XIRP2: variants seen among roughly 807,000 people sequenced by gnomAD.
XIRP2 encodes the protein xin actin-binding repeat-containing protein 2.
A neutral mutation model predicts 277.0 loss-of-function variants in XIRP2; 236 were observed. The ratio of observed to expected loss-of-function variants is 0.85; its 90% confidence interval spans 0.77 to 0.95. XIRP2 has a LOEUF of 0.95. Among genes scored for constraint, XIRP2 ranks in the 40% least tolerant of loss-of-function variants. The probability of loss-of-function intolerance (pLI) is 0.00; values close to 1 mark genes in which losing one functional copy is unlikely to be tolerated. For missense variants in XIRP2, 4,640 were observed against 4,157.5 expected (o/e 1.12, Z -3.19); for synonymous variants, 1,490 against 1,416.5 (o/e 1.05, Z -1.17).
intron 2 of XIRP2, among the ~76,000 whole-genome samples, chr2:166,934,309 G>C (rs1180554913): frequency 2.0e-5 from 3 of 151,574 alleles, no homozygotes; most frequent in African/African-American, 7.3e-5. Flanking sequence ...AGGAACTGAA[G>C]GGAGCAGCTT....
intron 2 of XIRP2, among the ~76,000 whole-genome samples, chr2:167,036,196 G>C (rs952481299): frequency 1.1e-4 from 16 of 152,202 alleles, no homozygotes; most frequent in Admixed American, 9.8e-4. Flanking sequence ...CTGCTTAGTA[G>C]AGCTGTGAGA....
intron 3 of XIRP2, among the ~76,000 whole-genome samples, chr2:167,202,941 A>C (rs751435754): frequency 2.6e-5 from 4 of 151,946 alleles, no homozygotes; most frequent in Non-Finnish European, 5.9e-5. Flanking sequence ...TGATTTGTGG[A>C]CCTTATTCCC....
chr2:167,196,464 A>C (rs1693518909), intron 3 of XIRP2, among the ~76,000 whole-genome samples: 1 of 148,926 alleles, frequency 6.7e-6, no homozygotes, highest in Admixed American at 6.7e-5. Flanking sequence ...ACTGGCCACG[A>C]TAGATGAGTG....
At chr2:167,064,488 A>C (rs1204167534) in intron 2 of XIRP2, among the ~76,000 whole-genome samples, 1 of 151,914 alleles carries the variant, frequency 6.6e-6, no homozygotes, top group Admixed American at 6.6e-5. Flanking sequence ...ATTATCTTTT[A>C]ATTTTATTTT....
chr2:167,047,654 A>G (rs1357785717), intron 2 of XIRP2, among the ~76,000 whole-genome samples: 5 of 151,958 alleles, frequency 3.3e-5, no homozygotes, highest in African/African-American at 1.2e-4. Context: ...TATTTAGTAC[A>G]AGACAGGGCT....
chr2:167,105,782 G>A (rs1281228451), intron 2 of XIRP2, among the ~76,000 whole-genome samples: 1 of 151,752 alleles, frequency 6.6e-6, no homozygotes, highest in Non-Finnish European at 1.5e-5. Context: ...CAATACATAA[G>A]TGATCCAGTT....
At chr2:166,996,750 C>T (rs1251537821) in intron 2 of XIRP2, among the ~76,000 whole-genome samples, 1 of 152,142 alleles carries the variant, frequency 6.6e-6, no homozygotes, top group Admixed American at 6.5e-5. Flanking sequence ...TGATGCATTG[C>T]TGTGCTGGGT....
chr2:167,031,980 G>C (rs1032758926), intron 2 of XIRP2, among the ~76,000 whole-genome samples: 7 of 152,084 alleles, frequency 4.6e-5, no homozygotes, highest in Non-Finnish European at 1.0e-4. Flanking sequence ...AAACAAAAAA[G>C]AGCCCATATA....
chr2:166,940,088 C>A (rs765636009), intron 2 of XIRP2, among the ~76,000 whole-genome samples: 11 of 152,322 alleles, frequency 7.2e-5, no homozygotes, highest in Non-Finnish European at 1.0e-4. Context: ...GTACACCAGT[C>A]AGACTTAGAT....
At chr2:167,163,023 T>A (rs955364485) in intron 3 of XIRP2, among the ~76,000 whole-genome samples, 5 of 152,216 alleles carry the variant, frequency 3.3e-5, no homozygotes, top group Non-Finnish European at 5.9e-5. Flanking sequence ...CCCTTTCTTA[T>A]TGATGATTAG....
rs750012868 is a variant in XIRP2, at chr2:167,246,646, G to A, written c.5254G>A (p.Ala1752Thr). Residue 1752 changes from alanine (A) to threonine (T), a missense_variant, in exon 9 of 11, where the codon GCT (alanine) becomes ACT (threonine). Coordinates refer to ENST00000409195, the MANE Select transcript of XIRP2 (RefSeq NM_152381.6). Reference protein sequence around the residue: ...NVQFFTTCIEAGALDYLKQLH... With the variant: ...NVQFFTTCIETGALDYLKQLH... ...TCAGTTTTTCACAACCTGCATAGAA[G>A]CTGGAGCTTTGGATTATCTGAAACA... is the stretch of plus-strand genomic sequence containing the variant. 2.7e-5 allele frequency: 44 copies of A among 1,613,620 alleles called. No individual in the cohort carries two copies. The highest frequency in any genetic ancestry group is 3.6e-5 in the Non-Finnish European group (42 of 1,179,832).
intron 2 of XIRP2, among the ~76,000 whole-genome samples, chr2:166,921,355 C>A (rs1264174743): frequency 6.6e-6 from 1 of 152,084 alleles, no homozygotes; most frequent in African/African-American, 2.4e-5. Flanking sequence ...CTTATGGCTT[C>A]ATATCCTTGC....
At chr2:167,110,703 G>C (rs1178101380) in intron 2 of XIRP2, among the ~76,000 whole-genome samples, 1 of 152,048 alleles carries the variant, frequency 6.6e-6, no homozygotes, top group African/African-American at 2.4e-5. Flanking sequence ...TCATGATTCT[G>C]TGAAGAATGT....
intron 2 of XIRP2, among the ~76,000 whole-genome samples, chr2:166,971,805 A>G (rs893162100): frequency 1.3e-5 from 2 of 152,164 alleles, no homozygotes; most frequent in Admixed American, 6.6e-5. Flanking sequence ...GGATATTTGA[A>G]CAACATGAAA....
At chr2:166,966,979 A>G (rs148653675) in intron 2 of XIRP2, among the ~76,000 whole-genome samples, 23 of 151,916 alleles carry the variant, frequency 1.5e-4, no homozygotes, top group Non-Finnish European at 2.8e-4. Context: ...CAACATCCTC[A>G]GGAGATTTGT....
At chr2:167,089,882 T>C (rs922856923) in intron 2 of XIRP2, among the ~76,000 whole-genome samples, 1 of 152,150 alleles carries the variant, frequency 6.6e-6, no homozygotes, top group Admixed American at 6.6e-5. Flanking sequence ...AGAGGCTTTA[T>C]GGCCTGCAAA....
At chr2:166,899,692 T>C (rs1324183750) in intron 1 of XIRP2, among the ~76,000 whole-genome samples, 1 of 152,174 alleles carries the variant, frequency 6.6e-6, no homozygotes. Flanking sequence ...TATTGTGCTC[T>C]TGCCTTCTGG....
At chr2:167,146,018 T>C (rs373745631) in intron 3 of XIRP2, among the ~76,000 whole-genome samples, 1 of 151,936 alleles carries the variant, frequency 6.6e-6, no homozygotes, top group Non-Finnish European at 1.5e-5. Context: ...TTTTTAAAAG[T>C]GTATCATGAA....
chr2:166,968,898 G>A (rs1165581207), intron 2 of XIRP2, among the ~76,000 whole-genome samples: 1 of 151,938 alleles, frequency 6.6e-6, no homozygotes, highest in Non-Finnish European at 1.5e-5. Context: ...TGCCAAAGGC[G>A]GTTTGTATCT....
Sources: allele counts gnomAD v4.1 joint callset (sites outside exome capture counted in the v4.1 genomes callset), GRCh38; gene constraint gnomAD v4.1.1; transcripts MANE v1.5; gene names NCBI Gene and HGNC (gene_info 2026-07-23, HGNC 2026-07-21).